Variants in PIAS2 observed in about 807,000 individuals in gnomAD.
PIAS2 encodes protein inhibitor of activated STAT 2, also known as E3 SUMO-protein ligase PIAS2.
In PIAS2, 19 loss-of-function variants were observed where a neutral mutation model predicts 69.7. That is an observed-to-expected ratio of 0.27 (90% CI 0.19 to 0.40). The LOEUF (loss-of-function observed/expected upper bound fraction) is 0.40. PIAS2 is among the 10% of genes least tolerant of loss of function. The pLI, the probability that PIAS2 is intolerant of heterozygous loss-of-function variation, is 1.00. For missense variants in PIAS2, 624 were observed against 757.0 expected, an observed-to-expected ratio of 0.82 and a Z score of 2.06; for synonymous variants, 261 against 263.2, an observed-to-expected ratio of 0.99 and a Z score of 0.08.
intron 3 of PIAS2, among the ~76,000 whole-genome samples, chr18:46,857,368 T>C (rs1457719145): frequency 6.6e-6 from 1 of 152,234 alleles, no homozygotes; most frequent in Non-Finnish European, 1.5e-5. Flanking sequence ...AGTGGTACAG[T>C]ACATTATAAA....
At chr18:46,815,597 A>G in intron 12 of PIAS2, 1 of 1,161,206 alleles carries the variant, frequency 8.6e-7, no homozygotes, top group Non-Finnish European at 1.1e-6. Context: ...AAAACTTTCC[A>G]GTGAAGGACT....
chr18:46,816,288 T>C (rs2041527958), intron 12 of PIAS2: 1 of 955,936 alleles, frequency 1.0e-6, no homozygotes, highest in African/African-American at 1.8e-5. Context: ...GTGGGTACAT[T>C]TAAAATATCT....
In PIAS2 at chr18:46,832,284, G is replaced by A. The variant is rs187185208; in HGVS notation, c.1203-2417C>T. ...ACAAAAATTAGCCAGGCGTGGTGGC[G>A]CACACCTGTAGTCCCAGCTACTTGG... On this transcript the variant is annotated intron_variant, in intron 9 of 13. Transcript: ENST00000585916. Among the ~76,000 whole-genome samples, 58 of 152,014 alleles carry A rather than the reference G, an allele frequency of 3.8e-4. 1 individual carries two copies. The highest frequency in any genetic ancestry group is 1.3e-3 in the African/African-American group (54 of 41,492).
rs187450222 is a variant in PIAS2, at chr18:46,810,704, A to C, written c.*1729T>G. ...TATGAATTTAAATCAACATAAAAAG[A>C]ACACACAAAGGCCATGGAAACTTGA... On this transcript the variant is annotated 3_prime_UTR_variant, in exon 14 of 14. Coordinates refer to ENST00000585916, the MANE Select transcript of PIAS2 (RefSeq NM_004671.5). 6.6e-6 allele frequency: 1 copy of C among 151,974 alleles called. No homozygotes were observed. The highest frequency in any genetic ancestry group is 2.4e-5 in the African/African-American group (1 of 41,474). The allele number at this position is 151,974 out of a possible 1,614,324, so 9.4% of individuals were successfully genotyped here.
intron 1 of PIAS2, chr18:46,916,775 C>G (rs2057972684): frequency 1.0e-6 from 1 of 973,098 alleles, no homozygotes; most frequent in South Asian, 4.8e-5. Context: ...CATTAGGTTC[C>G]TCGAAGATGT....
chr18:46,832,892 C>CAAAAAAAAA (rs34958166), intron 9 of PIAS2, among the ~76,000 whole-genome samples: 22 of 105,960 alleles, frequency 2.1e-4, no homozygotes, highest in Admixed American at 3.1e-4. Context: ...CCTCTGTCTC[C>CAAAAAAAAA]AAAAAAAAAA....
chr18:46,917,098 G>A, intron 1 of PIAS2: 8 of 989,380 alleles, frequency 8.1e-6, no homozygotes, highest in Non-Finnish European at 9.6e-6. Context: ...CTCAGGAGCC[G>A]GCTCGCCGCG....
At position 46,808,222 on chromosome 18, in the gene PIAS2, T is replaced by C. The variant is rs2040805168; in HGVS notation, c.*4211A>G. ...GAAACTAAGTAAAAATATGCAGAAG[T>C]AGCAAAGACAATGGCAAGGAAGATG... On this transcript the variant is annotated 3_prime_UTR_variant, in exon 14 of 14. Coordinates refer to ENST00000585916, the MANE Select transcript of PIAS2 (RefSeq NM_004671.5). 6.6e-6 allele frequency: 1 copy of C among 152,172 alleles called. No homozygotes were observed. Among genetic ancestry groups the C allele is most frequent in the Non-Finnish European group, 1.5e-5 (1 of 68,026 alleles). The allele number at this position is 152,172 out of a possible 1,614,324, so 9.4% of individuals were successfully genotyped here. A position where few individuals can be genotyped will look rare whatever the true frequency, so the allele number is the denominator to read the frequency against.
At chr18:46,865,283 T>C (rs775213219) in intron 2 of PIAS2, among the ~76,000 whole-genome samples, 1 of 152,160 alleles carries the variant, frequency 6.6e-6, no homozygotes, top group Non-Finnish European at 1.5e-5. Context: ...CTCACACGTG[T>C]AATCCCAGCA....
In PIAS2 at chr18:46,829,840, A is replaced by G; in HGVS notation, c.1230T>C (p.Cys410=). Residue 410 remains cysteine (C), a synonymous_variant, in exon 10 of 14, where the codon TGT becomes TGC. Coordinates refer to ENST00000585916, the MANE Select transcript of PIAS2 (RefSeq NM_004671.5). ...GGAATTTGATCTCATCTACATCAGA[A>G]CAGTCATTGAGAATTTCCATAAAAA... ...DGLFMEILND[C]SDVDEIKFQE... The G allele has an allele frequency of 6.2e-7, 1 of 1,612,910 alleles. No individual in the cohort carries two copies.
At chr18:46,813,327 G>T (rs1366111033) in intron 13 of PIAS2, among the ~76,000 whole-genome samples, 1 of 152,028 alleles carries the variant, frequency 6.6e-6, no homozygotes, top group Non-Finnish European at 1.5e-5. Context: ...TATTTCACAA[G>T]TCCCCTTACA....
At chr18:46,859,688 T>G (rs1228395241) in intron 3 of PIAS2, among the ~76,000 whole-genome samples, 1 of 152,058 alleles carries the variant, frequency 6.6e-6, no homozygotes, top group African/African-American at 2.4e-5. Context: ...AATGAATGAA[T>G]AAAAGAACAA....
chr18:46,835,382 A>G (rs1231066077), intron 9 of PIAS2, among the ~76,000 whole-genome samples: 2 of 152,186 alleles, frequency 1.3e-5, no homozygotes, highest in African/African-American at 2.4e-5. Flanking sequence ...TCAGCAAAGG[A>G]AAGTTCAGAA....
chr18:46,818,781 C>T (rs2041848977), intron 12 of PIAS2, among the ~76,000 whole-genome samples: 1 of 152,088 alleles, frequency 6.6e-6, no homozygotes, highest in South Asian at 2.1e-4. Flanking sequence ...CAGTTATCAA[C>T]TGGTAAGAAA....
intron 6 of PIAS2, among the ~76,000 whole-genome samples, chr18:46,845,747 TC>T (rs1481284422): frequency 6.6e-6 from 1 of 152,200 alleles, no homozygotes; most frequent in East Asian, 1.9e-4. Context: ...TTTTTAATGT[TC>T]TTTTAGATAT....
chr18:46,835,966 T>C lies in PIAS2; in HGVS notation c.1202+391A>G, dbSNP rs78699343. 5.6e-4 allele frequency among the ~76,000 whole-genome samples: 85 copies of C among 152,352 alleles called. No homozygotes were observed. The East Asian group carries it at 0.014, about 26-fold the overall frequency. ...AAATACCTGGGCATGAATTCCAGTTTTGAACTTAAGAGCTATGTCTGTATC... is the reference window on the plus strand; with the variant it reads ...AAATACCTGGGCATGAATTCCAGTTCTGAACTTAAGAGCTATGTCTGTATC... On this transcript the variant is annotated intron_variant, in intron 9 of 13. Transcript: ENST00000585916.
At chr18:46,905,139 A>G (rs568348029) in intron 1 of PIAS2, among the ~76,000 whole-genome samples, 58 of 152,330 alleles carry the variant, frequency 3.8e-4, no homozygotes, top group African/African-American at 1.2e-3. Flanking sequence ...TAGTCTAAAC[A>G]TATTTCAAAG....
chr18:46,832,059 G>A (rs1021561266), intron 9 of PIAS2, among the ~76,000 whole-genome samples: 28 of 152,102 alleles, frequency 1.8e-4, no homozygotes, highest in African/African-American at 6.5e-4. Context: ...CTGGTAAGAC[G>A]TTTGTATCCA....
intron 2 of PIAS2, among the ~76,000 whole-genome samples, chr18:46,880,251 A>G (rs2051991154): frequency 6.6e-6 from 1 of 152,172 alleles, no homozygotes; most frequent in Admixed American, 6.5e-5. Context: ...TGTAAAAATT[A>G]GCTGGGCATG....
Sources: allele counts gnomAD v4.1 joint callset (sites outside exome capture counted in the v4.1 genomes callset), GRCh38; gene constraint gnomAD v4.1.1; transcripts MANE v1.5; gene names NCBI Gene and HGNC (gene_info 2026-07-23, HGNC 2026-07-21).